Variants in PKN2 observed in about 807,000 individuals in gnomAD.
PKN2 encodes serine/threonine-protein kinase N2.
PKN2 carries 38 observed loss-of-function variants against 119.1 expected under a neutral mutation model. The ratio of observed to expected loss-of-function variants is 0.32; its 90% confidence interval spans 0.25 to 0.42. PKN2 has a LOEUF of 0.42. Ranked by LOEUF, PKN2 falls within the 10% of genes least tolerant of loss-of-function variation. The pLI is 1.00. For synonymous variants in PKN2, 390 were observed against 384.9 expected (o/e 1.01, Z -0.15); for missense variants, 850 against 1,165.1 (o/e 0.73, Z 3.94).
chr1:88,736,965 A>C (rs1231719873), intron 1 of PKN2, among the ~76,000 whole-genome samples: 1 of 151,962 alleles, frequency 6.6e-6, no homozygotes, highest in African/African-American at 2.4e-5. Flanking sequence ...GCACTGTGTC[A>C]CTCTGCTCAG....
At chr1:88,825,629 C>T (rs1388518473) in intron 18 of PKN2, among the ~76,000 whole-genome samples, 1 of 152,216 alleles carries the variant, frequency 6.6e-6, no homozygotes, top group Admixed American at 6.5e-5. Context: ...CATTTCCAGT[C>T]AGCTCCTTTC....
At chr1:88,782,457 A>G (rs929332624) in intron 6 of PKN2, among the ~76,000 whole-genome samples, 4 of 151,822 alleles carry the variant, frequency 2.6e-5, no homozygotes, top group Admixed American at 2.6e-4. Flanking sequence ...TTACACATAT[A>G]TGGCCACTTG....
At chr1:88,730,089 C>T (rs763470517) in intron 1 of PKN2, among the ~76,000 whole-genome samples, 2 of 151,486 alleles carry the variant, frequency 1.3e-5, no homozygotes, top group Non-Finnish European at 2.9e-5. Context: ...GACGTAAACC[C>T]GGGAGGCGGA....
At chr1:88,819,337 A>C (rs939611722) in intron 16 of PKN2, among the ~76,000 whole-genome samples, 9 of 152,222 alleles carry the variant, frequency 5.9e-5, no homozygotes, top group Non-Finnish European at 1.2e-4. Flanking sequence ...AAGAAAAAAA[A>C]CAGCCCCATC....
intron 1 of PKN2, among the ~76,000 whole-genome samples, chr1:88,688,618 A>G (rs1001076137): frequency 6.6e-6 from 1 of 152,222 alleles, no homozygotes; most frequent in African/African-American, 2.4e-5. Context: ...ATATTTCACA[A>G]AGAATAATAG....
chr1:88,788,959 C>T (rs748260432), intron 8 of PKN2, among the ~76,000 whole-genome samples: 30 of 152,180 alleles, frequency 2.0e-4, no homozygotes, highest in Non-Finnish European at 4.0e-4. Context: ...CTTTCCCTTG[C>T]ACCTTTCCTT....
At chr1:88,712,618 AT>A (rs1667280096) in intron 1 of PKN2, among the ~76,000 whole-genome samples, 1 of 152,202 alleles carries the variant, frequency 6.6e-6, no homozygotes, top group Non-Finnish European at 1.5e-5. Flanking sequence ...AGGGTGTGTT[AT>A]AAATTATTAA....
chr1:88,718,449 G>A (rs1667544109), intron 1 of PKN2, among the ~76,000 whole-genome samples: 1 of 152,120 alleles, frequency 6.6e-6, no homozygotes, highest in African/African-American at 2.4e-5. Flanking sequence ...GGCAGGCCTC[G>A]TTCAGTAGTT....
chr1:88,705,824 AT>A lies in PKN2; in HGVS notation c.48+21205del, dbSNP rs549111824. On this transcript the variant is annotated intron_variant, in intron 1 of 21. Transcript: ENST00000370521. ...CTGATCCATTGCTATATTTATTATT[AT>A]TTTTTTTTGCCAGTCCCATGCTGTA... 6.0e-5 allele frequency among the ~76,000 whole-genome samples: 9 copies of A among 149,558 alleles called. No individual in the cohort carries two copies. The East Asian group carries it at 7.8e-4, about 13-fold the overall frequency.
intron 17 of PKN2, among the ~76,000 whole-genome samples, chr1:88,822,873 C>T (rs1316305765): frequency 3.9e-5 from 6 of 152,100 alleles, no homozygotes; most frequent in African/African-American, 1.4e-4. Context: ...GCCACCGTGC[C>T]CAGCCGGTAA....
At chr1:88,729,845 G>A (rs1206251720) in intron 1 of PKN2, among the ~76,000 whole-genome samples, 1 of 150,512 alleles carries the variant, frequency 6.6e-6, no homozygotes, top group Admixed American at 6.6e-5. Context: ...TCTTAACACA[G>A]GTCAGACTAT....
intron 1 of PKN2, among the ~76,000 whole-genome samples, chr1:88,714,036 G>A (rs1667345386): frequency 1.3e-5 from 2 of 152,106 alleles, no homozygotes; most frequent in Admixed American, 6.5e-5. Context: ...TATTAAATAG[G>A]GAATCCTTTC....
chr1:88,703,114 A>T (rs1442514516), intron 1 of PKN2, among the ~76,000 whole-genome samples: 1 of 152,160 alleles, frequency 6.6e-6, no homozygotes, highest in Non-Finnish European at 1.5e-5. Context: ...TAGGTTCAAT[A>T]AAATGCAGTA....
intron 1 of PKN2, among the ~76,000 whole-genome samples, chr1:88,738,995 C>G (rs1345379436): frequency 6.6e-6 from 1 of 152,120 alleles, no homozygotes; most frequent in African/African-American, 2.4e-5. Flanking sequence ...ATCTAGACAG[C>G]ATTTTGGCTC....
chr1:88,684,505 C>G lies in PKN2; in HGVS notation c.-76C>G, dbSNP rs768100157. ...TCTTTCTCTCCCCTCTCCTCACCCC[C>G]ACCCCGAGCCCCGTCCCGCCTTCTC... On this transcript the variant is annotated 5_prime_UTR_variant, in exon 1 of 22. Transcript: ENST00000370521. 1 of 1,314,820 alleles carries G rather than the reference C, an allele frequency of 7.6e-7. No homozygotes were observed. Among genetic ancestry groups the G allele is most frequent in the South Asian group, 1.3e-5 (1 of 78,250 alleles). 81.4% of individuals were successfully genotyped at this position (1,314,820 alleles called of 1,614,324 possible). A position where few individuals can be genotyped will look rare whatever the true frequency, so the allele number is the denominator to read the frequency against.
At chr1:88,753,351 TC>T (rs1298342122) in intron 2 of PKN2, among the ~76,000 whole-genome samples, 2 of 152,198 alleles carry the variant, frequency 1.3e-5, no homozygotes, top group Admixed American at 1.3e-4. Flanking sequence ...CCAGAGTACA[TC>T]CTTTCGCATT....
chr1:88,768,224 C>G (rs1177328156), intron 3 of PKN2, among the ~76,000 whole-genome samples: 2 of 152,142 alleles, frequency 1.3e-5, no homozygotes, highest in Non-Finnish European at 2.9e-5. Flanking sequence ...GTTGCTGTAA[C>G]AAATTATCAC....
intron 6 of PKN2, chr1:88,781,274 G>A (rs1041881269): frequency 2.1e-6 from 1 of 485,818 alleles, no homozygotes; most frequent in Non-Finnish European, 3.2e-6. Flanking sequence ...TTGCCAGTTT[G>A]TTGCTACTTT....
chr1:88,702,477 C>T (rs1475506685), intron 1 of PKN2, among the ~76,000 whole-genome samples: 1 of 151,822 alleles, frequency 6.6e-6, no homozygotes, highest in Non-Finnish European at 1.5e-5. Context: ...CTAAAGTTGG[C>T]CTTGATATAT....
Sources: allele counts gnomAD v4.1 joint callset (sites outside exome capture counted in the v4.1 genomes callset), GRCh38; gene constraint gnomAD v4.1.1; transcripts MANE v1.5; gene names NCBI Gene and HGNC (gene_info 2026-07-23, HGNC 2026-07-21).